The following ALG8 variants were observed in gnomAD, a reference collection of about 807,000 sequenced individuals.
The protein encoded by ALG8 is dolichyl pyrophosphate Glc1Man9GlcNAc2 alpha-1,3-glucosyltransferase.
A neutral mutation model predicts 70.2 loss-of-function variants in ALG8; 48 were observed. The observed-to-expected ratio is 0.68, with a 90% CI of 0.54 to 0.87. The LOEUF (loss-of-function observed/expected upper bound fraction) is 0.87. ALG8 is among the 40% of genes least tolerant of loss of function. The pLI, the probability that ALG8 is intolerant of heterozygous loss-of-function variation, is 0.00. For synonymous variants in ALG8, 234 were observed against 229.0 expected, an observed-to-expected ratio of 1.02 and a Z score of -0.20; for missense variants, 572 against 608.7, an observed-to-expected ratio of 0.94 and a Z score of 0.64.
intron 2 of ALG8, among the ~76,000 whole-genome samples, chr11:78,125,644 G>C (rs1861034864): frequency 6.6e-6 from 1 of 151,516 alleles, no homozygotes; most frequent in Admixed American, 6.6e-5. Context: ...GGGCATGGTA[G>C]TGGGTGCCTG....
At chr11:78,115,484 G>A (rs1261623660) in intron 5 of ALG8, among the ~76,000 whole-genome samples, 1 of 152,060 alleles carries the variant, frequency 6.6e-6, no homozygotes, top group Non-Finnish European at 1.5e-5. Flanking sequence ...CCGGGTTCAA[G>A]TAATTCTCCT....
intron 1 of ALG8, among the ~76,000 whole-genome samples, chr11:78,130,191 AT>A (rs1391713372): frequency 1.3e-5 from 2 of 152,056 alleles, no homozygotes; most frequent in East Asian, 3.9e-4. Flanking sequence ...CTCTCAAAAA[AT>A]TTAAAAATTA....
chr11:78,133,819 G>A (rs1020711329), intron 1 of ALG8, among the ~76,000 whole-genome samples: 2 of 151,832 alleles, frequency 1.3e-5, no homozygotes, highest in African/African-American at 4.8e-5. Flanking sequence ...GAAGAATGGT[G>A]TGAACCCGGA....
At chr11:78,113,370 T>C (rs1486433866) in intron 7 of ALG8, among the ~76,000 whole-genome samples, 1 of 146,964 alleles carries the variant, frequency 6.8e-6, no homozygotes, top group Non-Finnish European at 1.5e-5. Flanking sequence ...AACATATACA[T>C]GTATATATAT....
intron 7 of ALG8, 137 bp downstream of exon 7, chr11:78,113,749 T>C (rs1308570174): frequency 4.7e-6 from 3 of 637,058 alleles, no homozygotes; most frequent in African/African-American, 3.9e-5. Flanking sequence ...TACTGCCCTA[T>C]CTTTGGGGAG....
intron 1 of ALG8, among the ~76,000 whole-genome samples, chr11:78,130,690 C>G (rs12577277): frequency 1.3e-5 from 2 of 151,986 alleles, no homozygotes; most frequent in East Asian, 3.9e-4. Flanking sequence ...TCCTTTTTAT[C>G]CATAGCAGTC....
intron 1 of ALG8, among the ~76,000 whole-genome samples, chr11:78,131,002 T>C (rs1239114237): frequency 6.6e-6 from 1 of 152,214 alleles, no homozygotes; most frequent in Admixed American, 6.5e-5. Context: ...TATAGACATG[T>C]CTTTTTTACT....
In ALG8 at chr11:78,101,156, G is replaced by A. The variant is rs748966540; in HGVS notation, c.1389C>T (p.Tyr463=). 1.1e-5 allele frequency: 17 copies of A among 1,614,042 alleles called. No individual in the cohort carries two copies. Among genetic ancestry groups the A allele is most frequent in the Non-Finnish European group, 1.2e-5 (14 of 1,180,024 alleles). Residue 463 remains tyrosine, a synonymous_variant, in exon 13 of 13, where the codon TAC becomes TAT. Coordinates refer to ENST00000299626, the MANE Select transcript of ALG8 (RefSeq NM_024079.5). ...KPLFNWMETF[Y]LLGLGPLEVC... ...CTTCCAGAGGCCCCAGGCCAAGCAG[G>A]TAGAAAGTTTCCATCCAATTAAAAA...
At chr11:78,136,039 G>GT (rs1460848903) in intron 1 of ALG8, among the ~76,000 whole-genome samples, 2 of 151,854 alleles carry the variant, frequency 1.3e-5, no homozygotes, top group African/African-American at 4.8e-5. Context: ...GTGTAGTGGT[G>GT]TGCACCTGTA....
intron 5 of ALG8, among the ~76,000 whole-genome samples, chr11:78,116,436 T>G (rs1860573378): frequency 6.6e-6 from 1 of 151,846 alleles, no homozygotes; most frequent in East Asian, 2.0e-4. Flanking sequence ...TAGTAAGAAT[T>G]TGGCTGGGTG....
chr11:78,117,969 G>C (rs1162467931), intron 5 of ALG8, among the ~76,000 whole-genome samples: 1 of 151,608 alleles, frequency 6.6e-6, no homozygotes, highest in Non-Finnish European at 1.5e-5. Context: ...TACTCGGGAG[G>C]CTGAGGCGGG....
chr11:78,122,656 T>G (rs574023582), intron 3 of ALG8, among the ~76,000 whole-genome samples: 26 of 152,292 alleles, frequency 1.7e-4, no homozygotes, highest in Non-Finnish European at 3.5e-4. Context: ...AACAATCTTT[T>G]TAACTATTCC....
chr11:78,114,149 G>T, intron 6 of ALG8, 117 bp downstream of exon 6: 1 of 1,460,334 alleles, frequency 6.8e-7, no homozygotes. Flanking sequence ...AGGGCTTACA[G>T]GATTAGCAGC....
intron 12 of ALG8, among the ~76,000 whole-genome samples, chr11:78,102,517 T>A (rs1859839507): frequency 6.6e-6 from 1 of 152,250 alleles, no homozygotes; most frequent in Non-Finnish European, 1.5e-5. Flanking sequence ...AATACTGATG[T>A]ACAAGTATCT....
chr11:78,108,804 C>A (rs1339596116), intron 9 of ALG8, among the ~76,000 whole-genome samples: 2 of 152,118 alleles, frequency 1.3e-5, no homozygotes, highest in Admixed American at 6.6e-5. Context: ...TTGAAACATT[C>A]AGAAACCAAA....
intron 1 of ALG8, chr11:78,137,224 C>G (rs1270387854): frequency 6.6e-6 from 1 of 152,248 alleles, no homozygotes; most frequent in African/African-American, 2.4e-5. Context: ...TCCAAATTTT[C>G]TTCTGCAACT....
chr11:78,128,414 A>G (rs1215841682), intron 1 of ALG8, among the ~76,000 whole-genome samples: 1 of 152,072 alleles, frequency 6.6e-6, no homozygotes, highest in Non-Finnish European at 1.5e-5. Context: ...ACCTTTCCAC[A>G]ATGACAACTT....
rs1221402571 is a variant in ALG8, at chr11:78,125,477, C to A, written c.175-1263G>T. Among the ~76,000 whole-genome samples, 3 of 151,598 alleles carry A rather than the reference C, an allele frequency of 2.0e-5. No individual in the cohort carries two copies. The East Asian group carries it at 5.9e-4, about 30-fold the overall frequency. ...TGCAAAAAATTTGCCTTAAAAAAAA[C>A]TCCCTGGGCCGGGCATAGTGGCTCA... On this transcript the variant is annotated intron_variant, in intron 2 of 12. Coordinates refer to ENST00000299626, the MANE Select transcript of ALG8 (RefSeq NM_024079.5).
chr11:78,139,524 G>C lies in ALG8; in HGVS notation c.65C>G (p.Thr22Ser). 1.3e-6 allele frequency: 2 copies of C among 1,563,040 alleles called. No homozygotes were observed. The highest frequency in any genetic ancestry group is 1.2e-5 in the South Asian group (1 of 84,848). ...NWFSALALGV[T>S]LLKCLLIPTY... The stretch of plus-strand genomic sequence containing the variant: ...GGGGATGAGAAGGCATTTGAGAAGA[G>C]TCACCCCGAGCGCCAAAGCCGAAAA... The change falls in exon 1 of 13, where the codon ACT becomes AGT. Residue 22 changes from threonine (T) to serine (S), a missense_variant. By Grantham distance (58) the Thr-to-Ser change is moderately conservative (BLOSUM62 1). Coordinates refer to ENST00000299626, the MANE Select transcript of ALG8 (RefSeq NM_024079.5).
Sources: allele counts gnomAD v4.1 joint callset (sites outside exome capture counted in the v4.1 genomes callset), GRCh38; gene constraint gnomAD v4.1.1; transcripts MANE v1.5; gene names NCBI Gene and HGNC (gene_info 2026-07-23, HGNC 2026-07-21).